GLIS3: variants seen among roughly 807,000 people sequenced by gnomAD.
GLIS3 encodes zinc finger protein GLIS3.
GLIS3 carries 53 observed loss-of-function variants against 78.6 expected under a neutral mutation model. That is an observed-to-expected ratio of 0.67 (90% CI 0.54 to 0.85). The LOEUF (loss-of-function observed/expected upper bound fraction) is 0.85, where lower values mean the gene tolerates loss of function less well. Among genes scored for constraint, GLIS3 ranks in the 40% least tolerant of loss-of-function variants. GLIS3 has a pLI of 0.00. For synonymous variants in GLIS3, 684 were observed against 509.9 expected (o/e 1.34, Z -4.60); for missense variants, 1,703 against 1,231.1 (o/e 1.38, Z -5.74).
At chr9:4,188,444 G>C (rs1410811129) in intron 2 of GLIS3, among the ~76,000 whole-genome samples, 1 of 149,452 alleles carries the variant, frequency 6.7e-6, no homozygotes, top group Non-Finnish European at 1.5e-5. Flanking sequence ...CAAGGATATT[G>C]GTCTAAAATT....
chr9:4,043,421 G>A (rs555394390), intron 4 of GLIS3, among the ~76,000 whole-genome samples: 2 of 152,214 alleles, frequency 1.3e-5, no homozygotes, highest in East Asian at 3.9e-4. Flanking sequence ...TTCTGATTGA[G>A]CTGTGGTAGG....
intron 3 of GLIS3, among the ~76,000 whole-genome samples, chr9:4,121,830 G>A (rs978941652): frequency 6.6e-6 from 1 of 152,254 alleles, no homozygotes; most frequent in African/African-American, 2.4e-5. Flanking sequence ...CACAAGCTAC[G>A]ATGGGCACCC....
the GLIS3 span, among the ~76,000 whole-genome samples, chr9:4,471,268 A>G: frequency 2.0e-5 from 3 of 152,190 alleles, no homozygotes; most frequent in East Asian, 3.8e-4. Flanking sequence ...TAAAGTTCAT[A>G]TGGAACCAAA....
At chr9:4,264,930 G>A (rs1825844921) in intron 2 of GLIS3, among the ~76,000 whole-genome samples, 1 of 151,992 alleles carries the variant, frequency 6.6e-6, no homozygotes. Context: ...ACGGTGGGAT[G>A]CCCAGGTGGG....
At chr9:4,136,049 G>T (rs1314282477) in intron 2 of GLIS3, among the ~76,000 whole-genome samples, 1 of 152,176 alleles carries the variant, frequency 6.6e-6, no homozygotes, top group Non-Finnish European at 1.5e-5. Context: ...ATGACAATTA[G>T]AATGAAATAA....
intron 2 of GLIS3, among the ~76,000 whole-genome samples, chr9:4,181,015 GGT>G (rs1200507062): frequency 2.6e-5 from 4 of 152,200 alleles, no homozygotes; most frequent in Non-Finnish European, 5.9e-5. Flanking sequence ...GTTGAAGCAA[GGT>G]GTCCACCTCA....
chr9:3,918,918 G>T (rs1334418093), intron 6 of GLIS3, among the ~76,000 whole-genome samples: 3 of 152,208 alleles, frequency 2.0e-5, no homozygotes, highest in African/African-American at 7.2e-5. Context: ...ATTAGGATCT[G>T]CTTATAAGAC....
chr9:3,833,125 A>G (rs1362201493), intron 9 of GLIS3, among the ~76,000 whole-genome samples: 1 of 152,204 alleles, frequency 6.6e-6, no homozygotes. Context: ...AGCGAGGAGG[A>G]CAGAGTAGAC....
chr9:4,384,911 T>G, the GLIS3 span, among the ~76,000 whole-genome samples: 2 of 151,918 alleles, frequency 1.3e-5, no homozygotes, highest in African/African-American at 4.9e-5. Context: ...TTGCACAACA[T>G]TGGGTCCTAA....
At chr9:4,406,775 C>G in the GLIS3 span, among the ~76,000 whole-genome samples, 2 of 152,036 alleles carry the variant, frequency 1.3e-5, no homozygotes, top group Non-Finnish European at 2.9e-5. Flanking sequence ...AACTATAAAA[C>G]ACTCATGAAA....
chr9:4,226,760 A>G (rs1821803544), intron 2 of GLIS3, among the ~76,000 whole-genome samples: 1 of 152,240 alleles, frequency 6.6e-6, no homozygotes, highest in Non-Finnish European at 1.5e-5. Flanking sequence ...AAAATGAGTA[A>G]GGAGTAACAA....
At chr9:4,461,981 TA>T in the GLIS3 span, among the ~76,000 whole-genome samples, 1 of 152,140 alleles carries the variant, frequency 6.6e-6, no homozygotes, top group East Asian at 1.9e-4. Context: ...TAATAATTGG[TA>T]AAAACTATAA....
intron 6 of GLIS3, among the ~76,000 whole-genome samples, chr9:3,917,583 A>C (rs1263574282): frequency 6.6e-6 from 1 of 151,956 alleles, no homozygotes; most frequent in East Asian, 1.9e-4. Context: ...TGACTTCTAA[A>C]ACACTACTCC....
the GLIS3 span, among the ~76,000 whole-genome samples, chr9:4,450,462 G>C: frequency 3.3e-5 from 5 of 152,134 alleles, no homozygotes. Flanking sequence ...AACCTAGCAA[G>C]ACAGGCCAAC....
At chr9:4,063,086 C>G (rs1308405558) in intron 4 of GLIS3, among the ~76,000 whole-genome samples, 1 of 150,538 alleles carries the variant, frequency 6.6e-6, no homozygotes, top group South Asian at 2.1e-4. Context: ...AGTTCCATAT[C>G]TGCAAAAAAA....
At chr9:4,360,409 T>C in the GLIS3 span, among the ~76,000 whole-genome samples, 2 of 152,170 alleles carry the variant, frequency 1.3e-5, no homozygotes, top group Non-Finnish European at 2.9e-5. Flanking sequence ...CCCCACCAGC[T>C]CAGACAGATG....
At chr9:4,053,190 C>A (rs1037340335) in intron 4 of GLIS3, among the ~76,000 whole-genome samples, 55 of 152,140 alleles carry the variant, frequency 3.6e-4, no homozygotes, top group African/African-American at 1.3e-3. Context: ...CTCCAGCAAT[C>A]CACTTGCCTT....
At chr9:4,043,264 T>C (rs559739312) in intron 4 of GLIS3, among the ~76,000 whole-genome samples, 2 of 151,638 alleles carry the variant, frequency 1.3e-5, no homozygotes, top group Non-Finnish European at 2.9e-5. Flanking sequence ...TCTGTCAGAA[T>C]TAATTTTTTT....
the GLIS3 span, among the ~76,000 whole-genome samples, chr9:4,427,976 A>G: frequency 6.6e-6 from 1 of 152,106 alleles, no homozygotes; most frequent in African/African-American, 2.4e-5. Context: ...TACTACACAG[A>G]AATCCTGAAC....
Sources: allele counts gnomAD v4.1 joint callset (sites outside exome capture counted in the v4.1 genomes callset), GRCh38; gene constraint gnomAD v4.1.1; transcripts MANE v1.5; gene names NCBI Gene and HGNC (gene_info 2026-07-23, HGNC 2026-07-21).